The following LHFPL3 variants were observed in gnomAD, a reference collection of about 807,000 sequenced individuals.
LHFPL3 encodes LHFPL tetraspan subfamily member 3 protein.
Under a neutral mutation model 19.3 loss-of-function variants are expected in LHFPL3, and 5 were observed. The ratio of observed to expected loss-of-function variants is 0.26; its 90% CI spans 0.14 to 0.54. LHFPL3 has a LOEUF of 0.54. Ranked by LOEUF, LHFPL3 falls within the 20% of genes least tolerant of loss-of-function variation. The pLI, the probability that LHFPL3 is intolerant of heterozygous loss-of-function variation, is 0.94. For missense variants in LHFPL3, 249 were observed against 307.4 expected (o/e 0.81, Z 1.42); for synonymous variants, 133 against 126.2 (o/e 1.05, Z -0.36).
At chr7:104,617,716 C>T (rs1337234408) in intron 1 of LHFPL3, among the ~76,000 whole-genome samples, 2 of 152,198 alleles carry the variant, frequency 1.3e-5, no homozygotes, top group Admixed American at 6.5e-5. Flanking sequence ...CCAAAGCTCA[C>T]TACTCTGTAG....
intron 1 of LHFPL3, among the ~76,000 whole-genome samples, chr7:104,594,358 A>G (rs1026355380): frequency 2.0e-5 from 3 of 152,154 alleles, no homozygotes; most frequent in Non-Finnish European, 4.4e-5. Context: ...AATGTTGACT[A>G]TTGGCTCCCA....
chr7:104,337,250 C>T (rs184358024), intron 1 of LHFPL3, among the ~76,000 whole-genome samples: 1 of 152,152 alleles, frequency 6.6e-6, no homozygotes, highest in East Asian at 1.9e-4. Flanking sequence ...GTATATGGAA[C>T]AGTGACACCA....
chr7:104,511,501 C>G (rs1042240465), intron 1 of LHFPL3, among the ~76,000 whole-genome samples: 2 of 152,150 alleles, frequency 1.3e-5, no homozygotes, highest in African/African-American at 4.8e-5. Flanking sequence ...TGTGTTTACC[C>G]CAAAACCTCT....
intron 1 of LHFPL3, among the ~76,000 whole-genome samples, chr7:104,467,557 A>C (rs1792817009): frequency 6.6e-6 from 1 of 152,224 alleles, no homozygotes; most frequent in South Asian, 2.1e-4. Flanking sequence ...CTGGGGGATT[A>C]ATCTCTTTTA....
chr7:104,650,493 G>A (rs11761636), intron 1 of LHFPL3, among the ~76,000 whole-genome samples: 142,158 of 152,292 alleles, frequency 0.93, 66,999 homozygotes, highest in Non-Finnish European at 1. Flanking sequence ...AATGAATGAG[G>A]AATATTAGGG....
chr7:104,577,345 A>G (rs12531125), intron 1 of LHFPL3, among the ~76,000 whole-genome samples: 18,833 of 152,136 alleles, frequency 0.12, 1,283 homozygotes, highest in East Asian at 0.28. Flanking sequence ...AAAGCTTCCT[A>G]GAAGAAGTTA....
intron 1 of LHFPL3, among the ~76,000 whole-genome samples, chr7:104,614,707 CTT>C (rs1388340538): frequency 7.3e-6 from 1 of 136,366 alleles, no homozygotes; most frequent in African/African-American, 2.8e-5. Context: ...TTCTTTCTTT[CTT>C]TCTTTCTTTC....
At chr7:104,537,576 GC>G (rs1480776224) in intron 1 of LHFPL3, among the ~76,000 whole-genome samples, 2 of 152,146 alleles carry the variant, frequency 1.3e-5, no homozygotes, top group African/African-American at 4.8e-5. Context: ...CTGACCCACT[GC>G]CCATCTTCTC....
intron 1 of LHFPL3, among the ~76,000 whole-genome samples, chr7:104,731,143 T>C (rs1372668700): frequency 2.0e-5 from 3 of 152,248 alleles, no homozygotes; most frequent in Admixed American, 6.5e-5. Context: ...TTTTGGTTAC[T>C]GTACCCTTGT....
intron 1 of LHFPL3, among the ~76,000 whole-genome samples, chr7:104,457,481 A>T (rs1484691874): frequency 6.6e-6 from 1 of 151,938 alleles, no homozygotes; most frequent in Admixed American, 6.6e-5. Flanking sequence ...TCCATGGTGT[A>T]TATGTGCCAC....
intron 1 of LHFPL3, among the ~76,000 whole-genome samples, chr7:104,411,812 A>T (rs60477774): frequency 0.041 from 6,288 of 152,316 alleles, 454 homozygotes; most frequent in African/African-American, 0.14. Context: ...TGTTAAAAAA[A>T]TAAAAATGTT....
intron 1 of LHFPL3, among the ~76,000 whole-genome samples, chr7:104,452,947 T>C (rs1792468545): frequency 6.6e-6 from 1 of 152,162 alleles, no homozygotes; most frequent in African/African-American, 2.4e-5. Flanking sequence ...ACCCACCCCT[T>C]ACTTTGAGTA....
At chr7:104,906,145 TC>T (rs752244985) in intron 2 of LHFPL3, 41 bp from the exon 3 acceptor site, 3 of 1,592,872 alleles carry the variant, frequency 1.9e-6, no homozygotes, top group South Asian at 1.1e-5. Flanking sequence ...ATTTTTTCTC[TC>T]CCCCCACCCT....
chr7:104,525,827 G>C (rs932721071), intron 1 of LHFPL3, among the ~76,000 whole-genome samples: 3 of 151,960 alleles, frequency 2.0e-5, no homozygotes, highest in Non-Finnish European at 4.4e-5. Flanking sequence ...GGCTGATCTC[G>C]AACTCCTGAC....
chr7:104,348,722 A>G (rs1040866797), intron 1 of LHFPL3, among the ~76,000 whole-genome samples: 6 of 152,202 alleles, frequency 3.9e-5, no homozygotes, highest in African/African-American at 1.2e-4. Flanking sequence ...AGCAACTATA[A>G]AATCCGAAAG....
chr7:104,709,706 C>T (rs1356377729), intron 1 of LHFPL3, among the ~76,000 whole-genome samples: 1 of 151,940 alleles, frequency 6.6e-6, no homozygotes, highest in African/African-American at 2.4e-5. Context: ...TCGACAAAAC[C>T]GCCATCATCA....
intron 2 of LHFPL3, among the ~76,000 whole-genome samples, chr7:104,749,711 G>A (rs1000476017): frequency 3.3e-5 from 5 of 152,386 alleles, no homozygotes; most frequent in African/African-American, 1.2e-4. Flanking sequence ...ATTCCAAGGC[G>A]AGAATGAAGG....
At chr7:104,717,030 T>G (rs1332652269) in intron 1 of LHFPL3, among the ~76,000 whole-genome samples, 3 of 152,090 alleles carry the variant, frequency 2.0e-5, no homozygotes, top group Non-Finnish European at 2.9e-5. Context: ...ACATGTATGG[T>G]CAACTAATCT....
intron 1 of LHFPL3, among the ~76,000 whole-genome samples, chr7:104,572,272 C>T (rs1790244531): frequency 6.6e-6 from 1 of 150,628 alleles, no homozygotes; most frequent in African/African-American, 2.5e-5. Flanking sequence ...TTATAAAAGA[C>T]AAAAGTTCTC....
Sources: allele counts gnomAD v4.1 joint callset (sites outside exome capture counted in the v4.1 genomes callset), GRCh38; gene constraint gnomAD v4.1.1; transcripts MANE v1.5; gene names NCBI Gene and HGNC (gene_info 2026-07-23, HGNC 2026-07-21).